The following PRKG1 variants were observed in gnomAD, a reference collection of about 807,000 sequenced individuals.
PRKG1 encodes protein kinase cGMP-dependent 1.
A neutral mutation model predicts 88.1 loss-of-function variants in PRKG1; 35 were observed. That is an observed-to-expected ratio of 0.40 (90% CI 0.30 to 0.53). The LOEUF (loss-of-function observed/expected upper bound fraction) is 0.53, where lower values mean the gene tolerates loss of function less well. Among genes scored for constraint, PRKG1 ranks in the 20% least tolerant of loss-of-function variants. PRKG1 has a pLI of 0.59. For synonymous variants in PRKG1, 303 were observed against 292.5 expected, an observed-to-expected ratio of 1.04 and a Z score of -0.37; for missense variants, 540 against 839.8, an observed-to-expected ratio of 0.64 and a Z score of 4.41.
intron 3 of PRKG1, among the ~76,000 whole-genome samples, chr10:51,786,638 T>C (rs1021431914): frequency 2.6e-5 from 4 of 152,136 alleles, no homozygotes; most frequent in African/African-American, 9.7e-5. Context: ...TTTATTGATC[T>C]CTCTTCTACT....
intron 9 of PRKG1, among the ~76,000 whole-genome samples, chr10:52,187,119 G>T (rs1486998626): frequency 6.6e-6 from 1 of 152,044 alleles, no homozygotes; most frequent in Non-Finnish European, 1.5e-5. Context: ...GAATTTTAAG[G>T]ATTATCAGAC....
At chr10:51,268,711 T>C (rs950631624) in intron 2 of PRKG1, among the ~76,000 whole-genome samples, 10 of 152,104 alleles carry the variant, frequency 6.6e-5, no homozygotes, top group Admixed American at 3.3e-4. Flanking sequence ...CATCACAGGG[T>C]CCTGAGGCGA....
chr10:51,324,571 CAAAAAAAAA>C (rs34429733), intron 2 of PRKG1, among the ~76,000 whole-genome samples: 1 of 84,448 alleles, frequency 1.2e-5, no homozygotes, highest in Non-Finnish European at 2.6e-5. Flanking sequence ...ACTAAAAATA[CAAAAAAAAA>C]AAAAAAAAAA....
rs976154626 is a variant in PRKG1 at position 51,894,632 on chromosome 10, A to G, written c.699-12875A>G. ...ATGACCTCTTGAATCAGGGTATCCAATGACTTTACGGTTCGGAAACAACTG... is the reference window on the plus strand; with the variant it reads ...ATGACCTCTTGAATCAGGGTATCCAGTGACTTTACGGTTCGGAAACAACTG... On this transcript the variant is annotated intron_variant, in intron 4 of 17. Coordinates refer to ENST00000373980, the MANE Select transcript of PRKG1 (RefSeq NM_006258.4). Among the ~76,000 whole-genome samples, 7 of 152,318 alleles carry G rather than the reference A, an allele frequency of 4.6e-5. No individual in the cohort carries two copies. The South Asian group carries it at 6.2e-4, about 14-fold the overall frequency.
intron 3 of PRKG1, among the ~76,000 whole-genome samples, chr10:51,717,453 G>T (rs964607685): frequency 6.6e-6 from 1 of 152,164 alleles, no homozygotes; most frequent in African/African-American, 2.4e-5. Flanking sequence ...TGTAAAGGTG[G>T]CTTTGTGCTT....
chr10:51,736,338 A>G (rs995270788), intron 3 of PRKG1, among the ~76,000 whole-genome samples: 11 of 151,800 alleles, frequency 7.2e-5, no homozygotes, highest in African/African-American at 2.7e-4. Context: ...CTGGTCTCGA[A>G]CTCCTGGGCT....
chr10:51,311,105 A>G (rs1219642782), intron 2 of PRKG1, among the ~76,000 whole-genome samples: 2 of 152,142 alleles, frequency 1.3e-5, no homozygotes, highest in Non-Finnish European at 2.9e-5. Context: ...TCACACAGTA[A>G]GCATTTCTCA....
chr10:51,544,653 C>A (rs1156315822), intron 3 of PRKG1, among the ~76,000 whole-genome samples: 1 of 152,090 alleles, frequency 6.6e-6, no homozygotes, highest in African/African-American at 2.4e-5. Context: ...AATTGTTGAA[C>A]TAGTTTACAG....
chr10:51,767,320 T>C (rs1047745949), intron 3 of PRKG1, among the ~76,000 whole-genome samples: 20 of 152,026 alleles, frequency 1.3e-4, no homozygotes, highest in Admixed American at 3.3e-4. Context: ...GACTAAATAG[T>C]ATGTAGAATT....
At chr10:51,487,726 G>A (rs539787684) in intron 3 of PRKG1, among the ~76,000 whole-genome samples, 14 of 152,234 alleles carry the variant, frequency 9.2e-5, no homozygotes, top group Middle Eastern at 3.4e-3. Context: ...AAAACACCCT[G>A]GACAACGAAG....
chr10:51,798,303 A>G (rs1839072392), intron 3 of PRKG1, among the ~76,000 whole-genome samples: 2 of 151,980 alleles, frequency 1.3e-5, no homozygotes, highest in African/African-American at 4.8e-5. Context: ...CATCGTCACC[A>G]ACACTTACTA....
At chr10:52,293,016 T>C (rs1306925456) in intron 17 of PRKG1, among the ~76,000 whole-genome samples, 3 of 152,036 alleles carry the variant, frequency 2.0e-5, no homozygotes, top group Admixed American at 2.0e-4. Context: ...AAAACCCCAT[T>C]GTCTCAGCCC....
intron 1 of PRKG1, among the ~76,000 whole-genome samples, chr10:51,111,490 A>G (rs1284177154): frequency 2.0e-5 from 3 of 152,052 alleles, no homozygotes; most frequent in Non-Finnish European, 4.4e-5. Context: ...ACTTTGGAGG[A>G]TGTTTTAGGC....
chr10:51,366,963 G>A (rs1434381745), intron 2 of PRKG1, among the ~76,000 whole-genome samples: 1 of 151,870 alleles, frequency 6.6e-6, no homozygotes, highest in Non-Finnish European at 1.5e-5. Context: ...TAATCCAGGT[G>A]TCTTGGGTTC....
chr10:51,536,071 A>G (rs2132103053), intron 3 of PRKG1, among the ~76,000 whole-genome samples: 1 of 152,262 alleles, frequency 6.6e-6, no homozygotes, highest in Non-Finnish European at 1.5e-5. Context: ...AGAGATTGAA[A>G]CTGTATTTCC....
At chr10:52,020,694 C>T (rs567713094) in intron 5 of PRKG1, among the ~76,000 whole-genome samples, 2 of 152,096 alleles carry the variant, frequency 1.3e-5, no homozygotes, top group East Asian at 1.9e-4. Context: ...CCTCTTAATG[C>T]TTGGGAGGTG....
At chr10:51,386,434 A>G (rs1837250824) in intron 2 of PRKG1, among the ~76,000 whole-genome samples, 1 of 152,136 alleles carries the variant, frequency 6.6e-6, no homozygotes, top group Non-Finnish European at 1.5e-5. Flanking sequence ...GAGAAGTAGG[A>G]GAGCTGATGA....
chr10:52,187,878 A>C (rs2132745471), intron 9 of PRKG1, among the ~76,000 whole-genome samples: 1 of 152,320 alleles, frequency 6.6e-6, no homozygotes, highest in African/African-American at 2.4e-5. Flanking sequence ...GTGGACATTT[A>C]AAATGCAGAT....
chr10:52,182,593 T>C (rs182148965), intron 9 of PRKG1, among the ~76,000 whole-genome samples: 3 of 136,476 alleles, frequency 2.2e-5, no homozygotes, highest in South Asian at 4.8e-4. Flanking sequence ...CTTTAATCCA[T>C]CTTGAATTAA....
Sources: gnomAD v4.1 joint callset for allele counts (sites outside exome capture counted in the v4.1 genomes callset) on GRCh38, gnomAD v4.1.1 for gene constraint, MANE v1.5 for transcripts, NCBI Gene and HGNC (gene_info 2026-07-23, HGNC 2026-07-21) for gene names.